Variants in PTPRR observed in about 807,000 individuals in gnomAD.
PTPRR encodes the protein protein tyrosine phosphatase receptor type R.
Under a neutral mutation model 77.2 loss-of-function variants are expected in PTPRR, and 38 were observed. That is an observed-to-expected ratio of 0.49 (90% CI 0.38 to 0.65). The LOEUF is 0.65. PTPRR is among the 30% of genes least tolerant of loss of function. The pLI is 0.00. For missense variants in PTPRR, 744 were observed against 799.2 expected, an observed-to-expected ratio of 0.93 and a Z score of 0.83; for synonymous variants, 299 against 283.1, an observed-to-expected ratio of 1.06 and a Z score of -0.57.
chr12:70,842,837 T>C (rs554270135), intron 2 of PTPRR, among the ~76,000 whole-genome samples: 1 of 152,292 alleles, frequency 6.6e-6, no homozygotes, highest in African/African-American at 2.4e-5. Context: ...GGGGCACCAT[T>C]TTTTGGCCTA....
chr12:70,655,298 T>C lies in PTPRR; in HGVS notation c.1880+1406A>G, dbSNP rs533005227. ...AACCCTCCTGTGTTGTTGGTGGGAA[T>C]GTAAAACAGTGCAGCCACTGCAGAA... On this transcript the variant is annotated intron_variant, in intron 13 of 13. Coordinates refer to ENST00000283228, the MANE Select transcript of PTPRR (RefSeq NM_002849.4). Among the ~76,000 whole-genome samples, 5 of 152,342 alleles carry C rather than the reference T, an allele frequency of 3.3e-5. No individual in the cohort carries two copies. The South Asian group carries it at 1.0e-3, about 32-fold the overall frequency.
rs1893712314 is a variant in PTPRR, at chr12:70,912,343, C to T, written c.58+7990G>A. Reference sequence around the variant, plus strand: ...TGCTCTGTACATATTGCTGTACAGTCCAGTGAATCACTGTGAGATGCTTTT... The same window carrying T: ...TGCTCTGTACATATTGCTGTACAGTTCAGTGAATCACTGTGAGATGCTTTT... On this transcript the variant is annotated intron_variant, in intron 1 of 13. Transcript: ENST00000283228. Among the ~76,000 whole-genome samples the T allele has an allele frequency of 2.0e-5, 3 of 152,218 alleles. No homozygotes were observed. The Middle Eastern group carries it at 0.01, about 518-fold the overall frequency.
intron 6 of PTPRR, among the ~76,000 whole-genome samples, chr12:70,744,741 T>C (rs1260851166): frequency 6.6e-6 from 1 of 152,124 alleles, no homozygotes; most frequent in Non-Finnish European, 1.5e-5. Context: ...ATATATGGGG[T>C]TAGAAAATGG....
chr12:70,736,798 A>G (rs926406138), intron 6 of PTPRR, among the ~76,000 whole-genome samples: 32 of 152,296 alleles, frequency 2.1e-4, no homozygotes, highest in African/African-American at 7.2e-4. Context: ...ACTGTGTTCA[A>G]TGGGGCTGGG....
intron 2 of PTPRR, among the ~76,000 whole-genome samples, chr12:70,786,651 T>C (rs1891327702): frequency 6.6e-6 from 1 of 152,210 alleles, no homozygotes; most frequent in Admixed American, 6.5e-5. Context: ...TAATGCTCCG[T>C]GGAAGTGTGT....
rs144516762 is a variant in PTPRR, at chr12:70,705,614, G to A, written c.1008-4291C>T. Among the ~76,000 whole-genome samples the A allele has an allele frequency of 3.3e-5, 5 of 152,122 alleles. No homozygotes were observed. The East Asian group carries it at 9.7e-4, about 29-fold the overall frequency. ...AATTAAGTTTCAGTGGGAAATGGTG[G>A]CAGCTGCTTATCTTGAAATACTTGA... On this transcript the variant is annotated intron_variant, in intron 6 of 13. Coordinates refer to ENST00000283228, the MANE Select transcript of PTPRR (RefSeq NM_002849.4).
At chr12:70,697,449 G>A (rs754442412) in intron 8 of PTPRR, among the ~76,000 whole-genome samples, 12 of 152,174 alleles carry the variant, frequency 7.9e-5, no homozygotes, top group Non-Finnish European at 1.3e-4. Flanking sequence ...TTTGCGTATT[G>A]TAGCTACATG....
At chr12:70,798,011 CT>C (rs1458123101) in intron 2 of PTPRR, among the ~76,000 whole-genome samples, 82 of 152,258 alleles carry the variant, frequency 5.4e-4, no homozygotes, top group Non-Finnish European at 8.8e-5. Context: ...GTTCCATAGA[CT>C]TTTATATTTA....
chr12:70,898,802 A>G (rs1327868483), intron 1 of PTPRR, among the ~76,000 whole-genome samples: 1 of 151,406 alleles, frequency 6.6e-6, no homozygotes, highest in African/African-American at 2.4e-5. Flanking sequence ...AAAGCTAGTT[A>G]TTTGAAAAGA....
chr12:70,832,957 T>G (rs1892240416), intron 2 of PTPRR, among the ~76,000 whole-genome samples: 1 of 152,148 alleles, frequency 6.6e-6, no homozygotes, highest in South Asian at 2.1e-4. Context: ...AGGTTCCTGT[T>G]CCCTACAAAT....
chr12:70,756,985 T>C (rs553329187), intron 4 of PTPRR, among the ~76,000 whole-genome samples: 235 of 152,296 alleles, frequency 1.5e-3, no homozygotes, highest in Non-Finnish European at 2.6e-3. Flanking sequence ...CCTATAACAA[T>C]ATGGCTTTGT....
chr12:70,908,447 C>G (rs1301526455), intron 1 of PTPRR, among the ~76,000 whole-genome samples: 1 of 152,104 alleles, frequency 6.6e-6, no homozygotes, highest in East Asian at 1.9e-4. Context: ...CAAACACATC[C>G]CTCTTCACAT....
intron 6 of PTPRR, among the ~76,000 whole-genome samples, chr12:70,735,563 T>C (rs1332085738): frequency 1.3e-5 from 2 of 152,186 alleles, no homozygotes; most frequent in African/African-American, 2.4e-5. Context: ...CGGTTCAAGA[T>C]GAGATTTGGG....
chr12:70,892,775 T>C lies in PTPRR; in HGVS notation c.261A>G (p.Arg87=), dbSNP rs1565732940. 1 of 1,613,462 alleles carries C rather than the reference T, an allele frequency of 6.2e-7. No homozygotes were observed. Among genetic ancestry groups the C allele is most frequent in the East Asian group, 2.2e-5 (1 of 44,860 alleles). Reference sequence around the variant, plus strand: ...GATTGAGAGACGGGTCATATGCGGGTCTAGGAAATGCTGAATTGACAATCT... The same window carrying C: ...GATTGAGAGACGGGTCATATGCGGGCCTAGGAAATGCTGAATTGACAATCT... The part of the protein sequence containing the change: ...RHQIVNSAFP[R]PAYDPSLNLL... Residue 87 remains arginine (R), a synonymous_variant, in exon 2 of 14, where the codon AGA becomes AGG. Transcript: ENST00000283228.
At chr12:70,660,889 T>C in intron 12 of PTPRR, 51 bp downstream of exon 12, 1 of 1,533,820 alleles carries the variant, frequency 6.5e-7, no homozygotes, top group Non-Finnish European at 8.8e-7. Flanking sequence ...GCTCTGTGAC[T>C]TTACAAAGAA....
chr12:70,676,807 G>A (rs1429408665), intron 10 of PTPRR, among the ~76,000 whole-genome samples: 1 of 148,340 alleles, frequency 6.7e-6, no homozygotes, highest in East Asian at 1.9e-4. Context: ...TGTTGCTTTC[G>A]ATACTGTAAC....
At chr12:70,784,004 C>T (rs186205669) in intron 2 of PTPRR, among the ~76,000 whole-genome samples, 6 of 152,242 alleles carry the variant, frequency 3.9e-5, no homozygotes, top group Admixed American at 6.5e-5. Context: ...GGGAGAAGCC[C>T]GGCAACAGAG....
chr12:70,747,956 T>C (rs1890265182), intron 5 of PTPRR, among the ~76,000 whole-genome samples: 1 of 152,118 alleles, frequency 6.6e-6, no homozygotes, highest in South Asian at 2.1e-4. Flanking sequence ...CAGGAAACGT[T>C]TGGCAGTGTC....
chr12:70,658,883 G>GTTTT (rs746595856), intron 12 of PTPRR, among the ~76,000 whole-genome samples: 378 of 36,954 alleles, frequency 0.01, 46 homozygotes, highest in East Asian at 0.02. Flanking sequence ...TTTTGCTCTA[G>GTTTT]TTTTTTTTTT....
Sources: allele counts gnomAD v4.1 joint callset (sites outside exome capture counted in the v4.1 genomes callset), GRCh38; gene constraint gnomAD v4.1.1; transcripts MANE v1.5; gene names NCBI Gene and HGNC (gene_info 2026-07-23, HGNC 2026-07-21).